The following PLCB1 variants were observed in gnomAD, a reference collection of about 807,000 sequenced individuals.
The protein encoded by PLCB1 is phospholipase C beta 1.
PLCB1 carries 46 observed loss-of-function variants against 161.8 expected under a neutral mutation model. The ratio of observed to expected loss-of-function variants is 0.28; its 90% CI spans 0.22 to 0.36. The LOEUF (loss-of-function observed/expected upper bound fraction) is 0.36. PLCB1 is among the 10% of genes least tolerant of loss of function. The pLI is 1.00. For synonymous variants in PLCB1, 517 were observed against 503.7 expected, an observed-to-expected ratio of 1.03 and a Z score of -0.35; for missense variants, 1,016 against 1,472.5, an observed-to-expected ratio of 0.69 and a Z score of 5.07.
intron 2 of PLCB1, among the ~76,000 whole-genome samples, chr20:8,297,457 C>A (rs1983690553): frequency 1.3e-5 from 2 of 151,908 alleles, no homozygotes; most frequent in Admixed American, 1.3e-4. Flanking sequence ...ACAAATTAGT[C>A]AATACAAAAG....
At chr20:8,319,490 C>T (rs1222705138) in intron 2 of PLCB1, among the ~76,000 whole-genome samples, 1 of 151,508 alleles carries the variant, frequency 6.6e-6, no homozygotes, top group Admixed American at 6.6e-5. Context: ...CTAGGCTCAG[C>T]ATGACACACT....
intron 24 of PLCB1, among the ~76,000 whole-genome samples, chr20:8,758,597 A>AT (rs1981859506): frequency 6.6e-6 from 1 of 152,084 alleles, no homozygotes; most frequent in Non-Finnish European, 1.5e-5. Context: ...AAAAAAAAAA[A>AT]GTTGCCAAAG....
chr20:8,577,087 A>G (rs904019199), intron 3 of PLCB1, among the ~76,000 whole-genome samples: 2 of 152,122 alleles, frequency 1.3e-5, no homozygotes, highest in African/African-American at 4.8e-5. Context: ...TAAAAAACCA[A>G]CAATCAAGTC....
intron 3 of PLCB1, among the ~76,000 whole-genome samples, chr20:8,470,298 C>G (rs1328989844): frequency 1.3e-5 from 2 of 152,122 alleles, no homozygotes; most frequent in Non-Finnish European, 1.5e-5. Context: ...AGTAGAATTC[C>G]TGGGACATAT....
intron 3 of PLCB1, among the ~76,000 whole-genome samples, chr20:8,457,881 A>T (rs1372750695): frequency 1.3e-5 from 2 of 152,146 alleles, no homozygotes; most frequent in African/African-American, 4.8e-5. Context: ...TCACTTTATA[A>T]AGTTATTTTT....
chr20:8,137,309 C>T (rs370650451), intron 1 of PLCB1, among the ~76,000 whole-genome samples: 2 of 152,116 alleles, frequency 1.3e-5, no homozygotes, highest in South Asian at 2.1e-4. Context: ...AAAGGGTTTG[C>T]GAGGTGGGAA....
chr20:8,300,193 G>A (rs1055419248), intron 2 of PLCB1, among the ~76,000 whole-genome samples: 7 of 152,164 alleles, frequency 4.6e-5, no homozygotes, highest in African/African-American at 1.7e-4. Context: ...GTTCTCGTGG[G>A]AATGACAGAG....
At chr20:8,816,363 A>G (rs777416966) in intron 31 of PLCB1, among the ~76,000 whole-genome samples, 1 of 152,228 alleles carries the variant, frequency 6.6e-6, no homozygotes, top group Non-Finnish European at 1.5e-5. Flanking sequence ...CCAAAAACAA[A>G]AAGAATTTTT....
chr20:8,150,418 C>T (rs765588920), intron 2 of PLCB1, 47 bp downstream of exon 2: 1 of 821,858 alleles, frequency 1.2e-6, no homozygotes, highest in South Asian at 1.7e-5. Flanking sequence ...TCGTTTACTA[C>T]TTTGAAAAGT....
At chr20:8,466,453 C>T (rs560239002) in intron 3 of PLCB1, among the ~76,000 whole-genome samples, 25 of 151,796 alleles carry the variant, frequency 1.6e-4, no homozygotes, top group African/African-American at 5.1e-4. Flanking sequence ...TGCACATGTA[C>T]CCTAAAACTT....
chr20:8,460,508 GCTGTTCAAAAATT>G (rs1981530960), intron 3 of PLCB1, among the ~76,000 whole-genome samples: 1 of 152,212 alleles, frequency 6.6e-6, no homozygotes, highest in Non-Finnish European at 1.5e-5. Flanking sequence ...CACATTAACT[GCTGTTCAAAAATT>G]CTGTCCAAAA....
chr20:8,374,272 T>G (rs1046523147), intron 3 of PLCB1, among the ~76,000 whole-genome samples: 7 of 152,186 alleles, frequency 4.6e-5, no homozygotes, highest in African/African-American at 1.7e-4. Flanking sequence ...CTGAGTTCAC[T>G]CTCTCCTGCT....
At chr20:8,767,810 G>A (rs1449598062) in intron 26 of PLCB1, among the ~76,000 whole-genome samples, 1 of 152,152 alleles carries the variant, frequency 6.6e-6, no homozygotes, top group African/African-American at 2.4e-5. Context: ...TCCTAGGATT[G>A]CTGTAAAAAG....
chr20:8,203,692 AATG>A (rs1366684108), intron 2 of PLCB1, among the ~76,000 whole-genome samples: 6 of 152,184 alleles, frequency 3.9e-5, no homozygotes, highest in Non-Finnish European at 7.3e-5. Flanking sequence ...CTTGCTGAAG[AATG>A]ATAAGTGAGA....
At chr20:8,767,691 G>A (rs890803800) in intron 26 of PLCB1, among the ~76,000 whole-genome samples, 3 of 152,054 alleles carry the variant, frequency 2.0e-5, no homozygotes, top group Non-Finnish European at 4.4e-5. Context: ...AGGGTCTGGC[G>A]GACCACAGGG....
At chr20:8,295,102 C>T (rs1486621582) in intron 2 of PLCB1, among the ~76,000 whole-genome samples, 5 of 152,056 alleles carry the variant, frequency 3.3e-5, no homozygotes, top group African/African-American at 1.2e-4. Context: ...TTGGATAAAA[C>T]TATACAATGA....
At chr20:8,380,893 A>C (rs1012780202) in intron 3 of PLCB1, among the ~76,000 whole-genome samples, 2 of 152,096 alleles carry the variant, frequency 1.3e-5, no homozygotes, top group African/African-American at 4.8e-5. Flanking sequence ...CTGCAGACAG[A>C]GACAAGTTGA....
rs79906620 is a variant in PLCB1 at position 8,650,340 on chromosome 20, G to A, written c.594+891G>A. On this transcript the variant is annotated intron_variant, in intron 7 of 31. Transcript: ENST00000338037. ...AGTTTACCATTGCCAGGGCAACACC[G>A]AGGAATTACCACCGCTTTCCACGGT... 2.5e-3 allele frequency among the ~76,000 whole-genome samples: 387 copies of A among 152,148 alleles called. 1 individual carries two copies. The highest frequency in any genetic ancestry group is 8.6e-3 in the African/African-American group (356 of 41,520).
At chr20:8,215,558 C>T (rs539042713) in intron 2 of PLCB1, among the ~76,000 whole-genome samples, 11 of 152,124 alleles carry the variant, frequency 7.2e-5, no homozygotes, top group South Asian at 2.1e-4. Context: ...TCTTGGAGCA[C>T]GACAGCCAGA....
Sources: gnomAD v4.1 joint callset for allele counts (sites outside exome capture counted in the v4.1 genomes callset) on GRCh38, gnomAD v4.1.1 for gene constraint, MANE v1.5 for transcripts, NCBI Gene and HGNC (gene_info 2026-07-23, HGNC 2026-07-21) for gene names.